The following STXBP5L variants were observed in gnomAD, a reference collection of about 807,000 sequenced individuals.
STXBP5L encodes the protein syntaxin-binding protein 5-like.
In STXBP5L, 65 loss-of-function variants were observed where a neutral mutation model predicts 144.5. The ratio of observed to expected loss-of-function variants is 0.45; its 90% CI spans 0.37 to 0.55. The LOEUF (loss-of-function observed/expected upper bound fraction) is 0.55. STXBP5L is among the 20% of genes least tolerant of loss of function. The pLI is 0.00. For synonymous variants in STXBP5L, 505 were observed against 469.6 expected (o/e 1.08, Z -0.97); for missense variants, 1,298 against 1,405.5 (o/e 0.92, Z 1.22).
intron 5 of STXBP5L, among the ~76,000 whole-genome samples, chr3:121,088,064 C>T (rs531480338): frequency 3.2e-4 from 48 of 151,768 alleles, no homozygotes; most frequent in Middle Eastern, 3.4e-3. Flanking sequence ...TTAGAAGCTC[C>T]GGCAACAAAA....
intron 3 of STXBP5L, among the ~76,000 whole-genome samples, chr3:120,975,877 C>A (rs1235147583): frequency 6.6e-6 from 1 of 152,154 alleles, no homozygotes; most frequent in Non-Finnish European, 1.5e-5. Context: ...ACCAGCCTTG[C>A]ATCCCAGGGA....
chr3:121,258,649 G>C (rs1223952438), intron 17 of STXBP5L, among the ~76,000 whole-genome samples: 2 of 152,048 alleles, frequency 1.3e-5, no homozygotes, highest in Non-Finnish European at 2.9e-5. Flanking sequence ...TCAGATGCTA[G>C]ATATGTTGAA....
intron 20 of STXBP5L, among the ~76,000 whole-genome samples, chr3:121,332,762 T>C (rs1442302335): frequency 6.6e-6 from 1 of 151,926 alleles, no homozygotes; most frequent in African/African-American, 2.4e-5. Context: ...GTACAAGAAG[T>C]TCAAAGAACT....
At chr3:121,158,557 T>A (rs2046201527) in intron 9 of STXBP5L, 1 of 152,222 alleles carries the variant, frequency 6.6e-6, no homozygotes, top group South Asian at 2.1e-4. Flanking sequence ...GTAAATGTTT[T>A]AGTCTTTAGC....
chr3:121,093,723 G>A (rs1043835570), intron 5 of STXBP5L, among the ~76,000 whole-genome samples: 1 of 152,006 alleles, frequency 6.6e-6, no homozygotes, highest in Non-Finnish European at 1.5e-5. Flanking sequence ...CAAAAAACCA[G>A]CTCCTGGATT....
Position 121,041,732 on chromosome 3 carries a change from A to T in STXBP5L, c.320A>T (p.Gln107Leu). 6.2e-7 allele frequency: 1 copy of T among 1,612,880 alleles called. No individual in the cohort carries two copies. Among genetic ancestry groups the T allele is most frequent in the Non-Finnish European group, 8.5e-7 (1 of 1,179,216 alleles). ...LGRPGVDCYC[Q>L]HESGAAVLQL... ...AGACCTGGTGTTGATTGCTATTGCC[A>T]ACATGAAAGTGGTGCAGCTGTCCTA... Residue 107 changes from glutamine (Q) to leucine (L), a missense_variant, in exon 4 of 27, where the codon CAA becomes CTA. Physicochemically the swap from Gln to Leu is moderately radical, Grantham distance 113. Coordinates refer to ENST00000471454, the MANE Select transcript of STXBP5L (RefSeq NM_001308330.2).
intron 20 of STXBP5L, among the ~76,000 whole-genome samples, chr3:121,363,021 A>G (rs1437030915): frequency 1.3e-5 from 2 of 152,144 alleles, no homozygotes; most frequent in Non-Finnish European, 2.9e-5. Flanking sequence ...TGATGTTAAG[A>G]AATTTTTTCT....
chr3:121,113,211 C>T (rs772201237), intron 5 of STXBP5L, among the ~76,000 whole-genome samples: 3 of 152,018 alleles, frequency 2.0e-5, no homozygotes, highest in Admixed American at 1.3e-4. Flanking sequence ...TTGAGGTTTG[C>T]TTTTTTTCTA....
intron 5 of STXBP5L, among the ~76,000 whole-genome samples, chr3:121,062,232 A>T (rs1233625745): frequency 1.3e-5 from 2 of 152,148 alleles, no homozygotes; most frequent in Non-Finnish European, 2.9e-5. Context: ...AAAGGATTTT[A>T]TTTCCCTTTG....
intron 20 of STXBP5L, among the ~76,000 whole-genome samples, chr3:121,375,871 C>A (rs1163443314): frequency 1.3e-5 from 2 of 151,944 alleles, no homozygotes; most frequent in Non-Finnish European, 1.5e-5. Context: ...TTTGTATGAC[C>A]AAAGAAACAC....
In STXBP5L at chr3:121,407,251, C is replaced by A; in HGVS notation, c.2596C>A (p.Leu866Ile). The stretch of plus-strand genomic sequence containing the variant: ...TCCAATTGTTTTTATAGGTACATTC[C>A]TCTCATTGAAAGGAGCTGTGCTAAC... ...PVMVLPSGTF[L>I]SLKGAVLTFS... Residue 866 changes from leucine to isoleucine, a missense_variant, in exon 23 of 27, where the codon CTC (leucine) becomes ATC (isoleucine). Leu to Ile is a conservative substitution (Grantham distance 5). Coordinates refer to ENST00000471454, the MANE Select transcript of STXBP5L (RefSeq NM_001308330.2). The A allele has an allele frequency of 1.3e-6, 2 of 1,558,600 alleles. No homozygotes were observed. Among genetic ancestry groups the A allele is most frequent in the East Asian group, 2.3e-5 (1 of 44,434 alleles).
chr3:121,108,364 C>T (rs975105052), intron 5 of STXBP5L, among the ~76,000 whole-genome samples: 3 of 151,988 alleles, frequency 2.0e-5, no homozygotes, highest in Non-Finnish European at 4.4e-5. Context: ...CTAAATGGCT[C>T]TTATTATTTT....
intron 19 of STXBP5L, chr3:121,282,157 C>T (rs1197987383): frequency 2.0e-5 from 16 of 800,376 alleles, no homozygotes; most frequent in Non-Finnish European, 3.2e-5. Context: ...GCAATTTCTT[C>T]ATCTTGGCTG....
intron 7 of STXBP5L, among the ~76,000 whole-genome samples, chr3:121,123,076 T>C (rs536729409): frequency 6.6e-5 from 10 of 151,542 alleles, no homozygotes; most frequent in Non-Finnish European, 1.3e-4. Context: ...GCCTCTTACT[T>C]CTAGAGAGAA....
intron 9 of STXBP5L, among the ~76,000 whole-genome samples, chr3:121,163,455 G>A (rs1181805099): frequency 6.6e-6 from 1 of 151,938 alleles, no homozygotes; most frequent in Non-Finnish European, 1.5e-5. Context: ...AAAGCATTAG[G>A]ACAAATACCT....
intron 3 of STXBP5L, among the ~76,000 whole-genome samples, chr3:120,983,288 G>T (rs181793005): frequency 6.6e-5 from 10 of 152,220 alleles, no homozygotes; most frequent in African/African-American, 2.2e-4. Context: ...CTGTGGGTCT[G>T]CCATGGCATA....
intron 11 of STXBP5L, among the ~76,000 whole-genome samples, chr3:121,232,714 G>T (rs1207434945): frequency 6.6e-6 from 1 of 152,180 alleles, no homozygotes; most frequent in Admixed American, 6.5e-5. Flanking sequence ...GAAGCAGCAG[G>T]TTTTTGCAGC....
chr3:121,045,688 T>C (rs1228663526), intron 5 of STXBP5L, among the ~76,000 whole-genome samples, 153 bp downstream of exon 5: 2 of 152,142 alleles, frequency 1.3e-5, no homozygotes, highest in East Asian at 1.9e-4. Flanking sequence ...TTCTTTTTTG[T>C]AGAAAATGCG....
chr3:120,970,693 C>A (rs1051529208), intron 3 of STXBP5L, among the ~76,000 whole-genome samples: 2 of 152,040 alleles, frequency 1.3e-5, no homozygotes, highest in Non-Finnish European at 2.9e-5. Flanking sequence ...TATACCTGGA[C>A]GATGTCTTCT....
Sources: allele counts gnomAD v4.1 joint callset (sites outside exome capture counted in the v4.1 genomes callset), GRCh38; gene constraint gnomAD v4.1.1; transcripts MANE v1.5; gene names NCBI Gene and HGNC (gene_info 2026-07-23, HGNC 2026-07-21).